The following TASOR2 variants were observed in gnomAD, a reference collection of about 807,000 sequenced individuals.
TASOR2 encodes the protein transcription activation suppressor family member 2, also known as protein TASOR 2.
A neutral mutation model predicts 199.5 loss-of-function variants in TASOR2; 84 were observed. That is an observed-to-expected ratio of 0.42 (90% CI 0.35 to 0.50). The LOEUF (loss-of-function observed/expected upper bound fraction) is 0.50. Ranked by LOEUF, TASOR2 falls within the 20% of genes least tolerant of loss-of-function variation. The pLI is 0.02. For synonymous variants in TASOR2, 1,103 were observed against 1,046.6 expected, an observed-to-expected ratio of 1.05 and a Z score of -1.04; for missense variants, 2,796 against 2,835.9, an observed-to-expected ratio of 0.99 and a Z score of 0.32.
Position 5,740,444 on chromosome 10 carries a change from CA to C in TASOR2, c.2275del (p.Ser759AlafsTer12). 1 of 1,613,958 alleles carries C rather than the reference CA, an allele frequency of 6.2e-7. No individual in the cohort carries two copies. Among genetic ancestry groups the C allele is most frequent in the South Asian group, 1.1e-5 (1 of 91,084 alleles). On this transcript the variant is annotated frameshift_variant, in exon 13 of 21. Transcript: ENST00000328090. LOFTEE classifies it high-confidence loss of function. The surrounding 1 kb of genome is among the most constrained non-coding windows in gnomAD (Gnocchi z 5.3). ...AAACAGAATATGCATTCAGTTTAGA[CA>C]GCAAATATACCAACAACCCACTGGA...
chr10:5,748,083 A>G lies in TASOR2; in HGVS notation c.4662A>G (p.Pro1554=), dbSNP rs766670978. Residue 1554 remains proline (P), a synonymous_variant, in exon 15 of 21, where the codon CCA becomes CCG. Coordinates refer to ENST00000328090, the Ensembl canonical transcript of TASOR2. This position sits in a 1 kb window ranked among gnomAD's most constrained non-coding sequence, Gnocchi z 5.1. The stretch of plus-strand genomic sequence containing the variant: ...TAAAATCAGGAAATCCATTGCAGCC[A>G]GTTAGTATAGAGAATAGAAATTTGG... 6.2e-7 allele frequency: 1 copy of G among 1,614,140 alleles called. No individual in the cohort carries two copies. The highest frequency in any genetic ancestry group is 1.7e-5 in the Admixed American group (1 of 60,014).
In TASOR2 at chr10:5,737,524, C is replaced by A. The variant is rs1310620066; in HGVS notation, c.1447+1978C>A. Among the ~76,000 whole-genome samples the A allele has an allele frequency of 6.6e-6, 1 of 151,856 alleles. No individual in the cohort carries two copies. Among genetic ancestry groups the A allele is most frequent in the African/African-American group, 2.4e-5 (1 of 41,342 alleles). On this transcript the variant is annotated intron_variant, in intron 12 of 20. Transcript: ENST00000328090. The surrounding 1 kb of genome is among the most constrained non-coding windows in gnomAD (Gnocchi z 4.9). ...TGTTGCCACCGTGCTCCTTCCCCTG[C>A]GGCCCTCTGTGCCTCCCCCAGGCAA...
At chr10:5,700,588 G>A (rs1004509343) in intron 1 of TASOR2, among the ~76,000 whole-genome samples, 5 of 151,924 alleles carry the variant, frequency 3.3e-5, no homozygotes, top group Non-Finnish European at 5.9e-5. Context: ...TATCTTCGCC[G>A]GCATTCATTA....
chr10:5,701,131 G>A lies in TASOR2; in HGVS notation c.-287-11692G>A, dbSNP rs907938003. ...CATAGTTTTGGGTCTTAGATGCTTA[G>A]ATGTAAGTCTTAAATCCATTTTGAT... On this transcript the variant is annotated intron_variant, in intron 1 of 20. Coordinates refer to ENST00000328090, the Ensembl canonical transcript of TASOR2. The surrounding 1 kb of genome is among the most constrained non-coding windows in gnomAD (Gnocchi z 4.9). Among the ~76,000 whole-genome samples the A allele has an allele frequency of 1.3e-5, 2 of 152,124 alleles. No individual in the cohort carries two copies. The highest frequency in any genetic ancestry group is 4.8e-5 in the African/African-American group (2 of 41,436).
At chr10:5,705,292 A>C (rs1170443705) in intron 1 of TASOR2, among the ~76,000 whole-genome samples, 1 of 152,118 alleles carries the variant, frequency 6.6e-6, no homozygotes. Context: ...ACTTTTGCCC[A>C]GTTTAATGTT....
intron 8 of TASOR2, among the ~76,000 whole-genome samples, chr10:5,724,934 A>G (rs1420617168): frequency 1.3e-5 from 2 of 152,156 alleles, no homozygotes; most frequent in African/African-American, 4.8e-5. Context: ...TTACAACAAT[A>G]TACTGTAAGA....
chr10:5,758,684 T>C (rs1210426880), intron 17 of TASOR2, among the ~76,000 whole-genome samples: 1 of 152,184 alleles, frequency 6.6e-6, no homozygotes, highest in Non-Finnish European at 1.5e-5. Flanking sequence ...TCTCCCACCA[T>C]AGTGTGAGCA....
In TASOR2 at chr10:5,740,942, T is replaced by G. The variant is rs1024195021; in HGVS notation, c.2327+445T>G. Among the ~76,000 whole-genome samples, 1 of 152,190 alleles carries G rather than the reference T, an allele frequency of 6.6e-6. No individual in the cohort carries two copies. The highest frequency in any genetic ancestry group is 1.5e-5 in the Non-Finnish European group (1 of 68,038). ...GTTTCACATAAGATTGTTCTATAGA[T>G]CTCCCTTAAGAAGGAATCAAGTCAG... On this transcript the variant is annotated intron_variant, in intron 13 of 20. Transcript: ENST00000328090. This position sits in a 1 kb window ranked among gnomAD's most constrained non-coding sequence, Gnocchi z 5.3.
At chr10:5,739,685 C>G (rs1836116762) in exon 13 of TASOR2, 1 of 1,613,888 alleles carries the variant, frequency 6.2e-7, no homozygotes, top group Non-Finnish European at 8.5e-7. Context: ...ATGGGATTAG[C>G]ATAAATAGTG....
chr10:5,723,955 A>G (rs1045996522), intron 7 of TASOR2, among the ~76,000 whole-genome samples, 178 bp downstream of exon 8: 1 of 152,224 alleles, frequency 6.6e-6, no homozygotes, highest in Non-Finnish European at 1.5e-5. Context: ...GGCCAACTAG[A>G]AACTGAAAGG....
intron 3 of TASOR2, 74 bp downstream of exon 4, chr10:5,717,824 A>G (rs991949364): frequency 7.7e-6 from 4 of 520,610 alleles, no homozygotes; most frequent in African/African-American, 5.9e-5. Flanking sequence ...TTCTCTGTAG[A>G]TATTAGTTGA....
intron 17 of TASOR2, 128 bp from the exon 19 acceptor site, chr10:5,758,759 G>T: frequency 1.5e-6 from 1 of 661,870 alleles, no homozygotes. Context: ...TGACAGTGAT[G>T]GTGTGTACTC....
rs546322866 is a variant in TASOR2 at position 5,755,434 on chromosome 10, C to T, written c.6607-1179C>T. On this transcript the variant is annotated intron_variant, in intron 15 of 20. Coordinates refer to ENST00000328090, the Ensembl canonical transcript of TASOR2. ...CTAAAAATGACAAAAATAAGCCAGG[C>T]GTGGTGGCGGGCACCTGTAATCCCA... is the stretch of plus-strand genomic sequence containing the variant. Among the ~76,000 whole-genome samples the T allele has an allele frequency of 2.8e-4, 43 of 152,114 alleles. No individual in the cohort carries two copies. The South Asian group carries it at 8.5e-3, about 30-fold the overall frequency.
intron 1 of TASOR2, among the ~76,000 whole-genome samples, chr10:5,711,203 G>A (rs1163675797): frequency 6.6e-6 from 1 of 151,982 alleles, no homozygotes; most frequent in Non-Finnish European, 1.5e-5. Context: ...TTTTTTAAAT[G>A]CCTTGATAAT....
chr10:5,748,940 A>G lies in TASOR2; in HGVS notation c.5519A>G (p.Asn1840Ser). 5 of 1,614,092 alleles carry G rather than the reference A, an allele frequency of 3.1e-6. No individual in the cohort carries two copies. The highest frequency in any genetic ancestry group is 4.2e-6 in the Non-Finnish European group (5 of 1,180,030). The change falls in exon 15 of 21, where the codon AAT becomes AGT. Residue 1840 changes from asparagine (N) to serine (S), a missense_variant. By Grantham distance (46) the Asn-to-Ser change is conservative (BLOSUM62 1). Around this residue, in one of 3 missense-constraint regions of TASOR2, gnomAD observed 1,941 missense variants for 1,924.9 expected, o/e 1.01. Transcript: ENST00000328090. This position sits in a 1 kb window ranked among gnomAD's most constrained non-coding sequence, Gnocchi z 5.1. ...CTAGACCTGCTTGGTGATTGTAGAAATCCCAGACTGGATTTGGAGGATTCT... is the reference window on the plus strand; with the variant it reads ...CTAGACCTGCTTGGTGATTGTAGAAGTCCCAGACTGGATTTGGAGGATTCT...
intron 1 of TASOR2, among the ~76,000 whole-genome samples, chr10:5,700,919 C>G (rs1837753360): frequency 6.6e-6 from 1 of 151,136 alleles, no homozygotes; most frequent in African/African-American, 2.4e-5. Context: ...AATATTTTCT[C>G]CCATTCTGTG....
At chr10:5,755,046 CAAAAA>C (rs34884255) in intron 15 of TASOR2, among the ~76,000 whole-genome samples, 2 of 78,120 alleles carry the variant, frequency 2.6e-5, no homozygotes, top group Non-Finnish European at 2.4e-5. Flanking sequence ...ACTCTTGTCT[CAAAAA>C]AAAAAAAAAA....
At chr10:5,721,387 A>G (rs965121846) in intron 6 of TASOR2, among the ~76,000 whole-genome samples, 1 of 152,214 alleles carries the variant, frequency 6.6e-6, no homozygotes, top group Non-Finnish European at 1.5e-5. Flanking sequence ...AGCAATTATC[A>G]TGATTAATAT....
chr10:5,692,329 G>T (rs190121291), intron 1 of TASOR2, among the ~76,000 whole-genome samples: 1 of 152,172 alleles, frequency 6.6e-6, no homozygotes, highest in Non-Finnish European at 1.5e-5. Flanking sequence ...TGAAAAGAAC[G>T]TGTATTTTAG....
Sources: gnomAD v4.1 joint callset for allele counts (sites outside exome capture counted in the v4.1 genomes callset) on GRCh38, gnomAD v4.1.1 for gene constraint, gnomAD v4.1.1 regional missense constraint, Gnocchi (gnomAD v3.1) non-coding constraint, MANE v1.5 for transcripts, NCBI Gene and HGNC (gene_info 2026-07-23, HGNC 2026-07-21) for gene names.